Variants in CAST observed in about 807,000 individuals in gnomAD.
CAST encodes MIR583 host.
In CAST, 76 loss-of-function variants were observed where a neutral mutation model predicts 119.6. That is an observed-to-expected ratio of 0.64 (90% CI 0.53 to 0.77). The LOEUF (loss-of-function observed/expected upper bound fraction) is 0.77. CAST is among the 30% of genes least tolerant of loss of function. The pLI is 0.00. For missense variants in CAST, 953 were observed against 946.5 expected, an observed-to-expected ratio of 1.01 and a Z score of -0.09; for synonymous variants, 319 against 331.6, an observed-to-expected ratio of 0.96 and a Z score of 0.41.
the CAST span, among the ~76,000 whole-genome samples, chr5:96,474,943 C>A: frequency 1.4e-3 from 220 of 152,246 alleles, no homozygotes; most frequent in African/African-American, 5.2e-3. Context: ...TGCTATTTAG[C>A]CTTTCTGTGC....
At chr5:96,119,917 C>A in the CAST span, among the ~76,000 whole-genome samples, 2 of 152,124 alleles carry the variant, frequency 1.3e-5, no homozygotes, top group African/African-American at 4.8e-5. Context: ...TGGTAAGAAC[C>A]AGGATTATGT....
the CAST span, among the ~76,000 whole-genome samples, chr5:96,502,884 C>T: frequency 6.6e-6 from 1 of 152,068 alleles, no homozygotes; most frequent in African/African-American, 2.4e-5. Context: ...ATTCTTCATC[C>T]CTCTTTGATT....
At chr5:96,289,077 TCA>T in the CAST span, among the ~76,000 whole-genome samples, 1 of 149,614 alleles carries the variant, frequency 6.7e-6, no homozygotes, top group African/African-American at 2.5e-5. Flanking sequence ...CCCACAATGC[TCA>T]GTTTTGGAGC....
the CAST span, chr5:96,394,912 A>T: frequency 1.9e-6 from 3 of 1,614,034 alleles, no homozygotes; most frequent in Non-Finnish European, 2.5e-6. Context: ...CATTCTGAAC[A>T]GTGTTGTAGG....
At chr5:96,418,114 C>G in the CAST span, among the ~76,000 whole-genome samples, 1 of 152,180 alleles carries the variant, frequency 6.6e-6, no homozygotes, top group Non-Finnish European at 1.5e-5. Flanking sequence ...GACGACTATT[C>G]TCTAGTGAGA....
the CAST span, among the ~76,000 whole-genome samples, chr5:96,275,142 G>T: frequency 6.6e-6 from 1 of 152,212 alleles, no homozygotes; most frequent in Non-Finnish European, 1.5e-5. Context: ...AGATAATTGT[G>T]TCTGAGATAA....
At chr5:96,658,192 A>G (rs951762021), upstream of CAST, among the ~76,000 whole-genome samples, 3 of 152,212 alleles carry the variant, frequency 2.0e-5, no homozygotes, top group African/African-American at 7.2e-5. Flanking sequence ...GGACAGGAAC[A>G]CGGGAGTACT....
the CAST span, among the ~76,000 whole-genome samples, chr5:96,465,661 A>G: frequency 6.6e-6 from 1 of 152,082 alleles, no homozygotes; most frequent in Non-Finnish European, 1.5e-5. Context: ...TCTACTTTCA[A>G]TATTTTGACC....
At chr5:96,516,915 A>G in the CAST span, among the ~76,000 whole-genome samples, 1 of 152,148 alleles carries the variant, frequency 6.6e-6, no homozygotes. Context: ...ATTTTCTTTA[A>G]CCCCTCAATG....
chr5:96,241,616 C>G, the CAST span, among the ~76,000 whole-genome samples: 1 of 143,884 alleles, frequency 7.0e-6, no homozygotes, highest in African/African-American at 2.5e-5. Context: ...ATTTCTAGTT[C>G]TAGATCCCTG....
the CAST span, among the ~76,000 whole-genome samples, chr5:96,495,008 C>T: frequency 2.0e-5 from 3 of 151,414 alleles, no homozygotes; most frequent in African/African-American, 7.3e-5. Context: ...GTCTCAGCTA[C>T]TCGGGAAGCT....
At chr5:96,630,128 T>C (rs1747796770) in intron 1 of CAST, among the ~76,000 whole-genome samples, 1 of 152,198 alleles carries the variant, frequency 6.6e-6, no homozygotes, top group African/African-American at 2.4e-5. Flanking sequence ...TATCATTGAA[T>C]AAAACAATCA....
chr5:96,412,345 C>G, the CAST span: 1 of 1,614,186 alleles, frequency 6.2e-7, no homozygotes, highest in Non-Finnish European at 8.5e-7. Context: ...CAAAAGCCTT[C>G]TGGGCTAGCC....
the CAST span, among the ~76,000 whole-genome samples, chr5:96,015,431 G>C: frequency 6.6e-6 from 1 of 152,002 alleles, no homozygotes; most frequent in Non-Finnish European, 1.5e-5. Context: ...TGAATTTTTA[G>C]AAAACATGTT....
At chr5:96,644,741 G>A (rs557340475) in intron 1 of CAST, among the ~76,000 whole-genome samples, 1 of 152,220 alleles carries the variant, frequency 6.6e-6, no homozygotes, top group South Asian at 2.1e-4. Context: ...TTGGGAGGGT[G>A]AGGCGAGTGG....
At chr5:96,457,972 T>C in the CAST span, among the ~76,000 whole-genome samples, 1 of 152,236 alleles carries the variant, frequency 6.6e-6, no homozygotes, top group East Asian at 1.9e-4. Context: ...GGATGACGTA[T>C]ATTTACATAA....
chr5:96,384,167 T>C, the CAST span, among the ~76,000 whole-genome samples: 1 of 152,202 alleles, frequency 6.6e-6, no homozygotes. Context: ...AGCCACACTT[T>C]TCTCAGAATC....
chr5:96,561,785 T>TG (rs201192932), intron 1 of CAST, among the ~76,000 whole-genome samples: 1,708 of 51,060 alleles, frequency 0.033, 8 homozygotes, highest in East Asian at 0.1. Context: ...ATTATATATA[T>TG]GTTTTTTTTT....
intron 3 of CAST, among the ~76,000 whole-genome samples, chr5:96,709,063 C>T (rs752012716): frequency 5.3e-5 from 8 of 152,172 alleles, no homozygotes; most frequent in Non-Finnish European, 1.0e-4. Flanking sequence ...ATTTCAACAG[C>T]GTTAATATCT....
Sources: allele counts gnomAD v4.1 joint callset (sites outside exome capture counted in the v4.1 genomes callset), GRCh38; gene constraint gnomAD v4.1.1; transcripts MANE v1.5; gene names NCBI Gene and HGNC (gene_info 2026-07-23, HGNC 2026-07-21).